Variants in ANK1 observed in about 807,000 individuals in gnomAD.
ANK1 encodes ankyrin-1.
ANK1 carries 51 observed loss-of-function variants against 210.4 expected under a neutral mutation model. That is an observed-to-expected ratio of 0.24 (90% confidence interval 0.19 to 0.31). The LOEUF is 0.31. ANK1 is among the 10% of genes least tolerant of loss of function. The pLI is 1.00. For missense variants in ANK1, 2,051 were observed against 2,504.4 expected (o/e 0.82, Z 3.86); for synonymous variants, 967 against 1,025.9 (o/e 0.94, Z 1.10).
intron 1 of ANK1, among the ~76,000 whole-genome samples, chr8:41,853,967 C>G (rs148149837): frequency 1.2e-4 from 18 of 152,274 alleles, no homozygotes; most frequent in African/African-American, 2.4e-4. Flanking sequence ...AACTACTCCG[C>G]TCAATTTGGG....
intron 2 of ANK1, among the ~76,000 whole-genome samples, chr8:41,742,042 G>A (rs28701044): frequency 0.32 from 49,088 of 152,058 alleles, 8,474 homozygotes; most frequent in African/African-American, 0.42. Context: ...TGTGATGGGC[G>A]GGGAAGGAGA....
At chr8:41,787,140 G>A (rs1459064557) in intron 1 of ANK1, among the ~76,000 whole-genome samples, 1 of 152,246 alleles carries the variant, frequency 6.6e-6, no homozygotes, top group Non-Finnish European at 1.5e-5. Flanking sequence ...CTGGACTGGA[G>A]GGCAGGCCCT....
At chr8:41,855,934 A>G (rs1812105630) in intron 1 of ANK1, among the ~76,000 whole-genome samples, 1 of 152,148 alleles carries the variant, frequency 6.6e-6, no homozygotes, top group South Asian at 2.1e-4. Flanking sequence ...TAAAGCCGTG[A>G]CATTCTGAAT....
At chr8:41,675,680 C>T (rs1373677695) in intron 37 of ANK1, among the ~76,000 whole-genome samples, 1 of 152,112 alleles carries the variant, frequency 6.6e-6, no homozygotes, top group Non-Finnish European at 1.5e-5. Context: ...ATGAAGCCAT[C>T]ACTTCAAAGA....
At chr8:41,888,339 A>G (rs1818816175) in intron 1 of ANK1, among the ~76,000 whole-genome samples, 1 of 152,244 alleles carries the variant, frequency 6.6e-6, no homozygotes, top group Non-Finnish European at 1.5e-5. Flanking sequence ...ACACGCTTAC[A>G]TATGTACATT....
chr8:41,657,953 C>T (rs566246872), intron 42 of ANK1, among the ~76,000 whole-genome samples: 13 of 152,216 alleles, frequency 8.5e-5, no homozygotes, highest in Non-Finnish European at 1.0e-4. Flanking sequence ...ATAATCATAG[C>T]TCACTGCAGC....
At chr8:41,795,673 T>C (rs534846811) in intron 1 of ANK1, among the ~76,000 whole-genome samples, 4 of 152,066 alleles carry the variant, frequency 2.6e-5, no homozygotes, top group Non-Finnish European at 5.9e-5. Flanking sequence ...ATACTGAATG[T>C]TCTCAGTCAT....
chr8:41,888,444 G>A (rs1818834783), intron 1 of ANK1, among the ~76,000 whole-genome samples: 1 of 152,256 alleles, frequency 6.6e-6, no homozygotes, highest in African/African-American at 2.4e-5. Flanking sequence ...AGAGCCAGGA[G>A]AGAGCTGCGG....
intron 1 of ANK1, among the ~76,000 whole-genome samples, chr8:41,861,153 T>A (rs545074342): frequency 6.6e-6 from 1 of 152,136 alleles, no homozygotes; most frequent in Non-Finnish European, 1.5e-5. Context: ...GATACCAGAC[T>A]TTGGTGGAAT....
chr8:41,847,085 G>A (rs1563898402), intron 1 of ANK1, among the ~76,000 whole-genome samples: 1 of 152,202 alleles, frequency 6.6e-6, no homozygotes, highest in African/African-American at 2.4e-5. Context: ...TTAGGCCGCA[G>A]AACAGAATCA....
chr8:41,662,246 C>A (rs1030123135), intron 40 of ANK1, among the ~76,000 whole-genome samples: 1 of 148,486 alleles, frequency 6.7e-6, no homozygotes, highest in Non-Finnish European at 1.5e-5. Flanking sequence ...GACAGAGCAA[C>A]ACTCTGTGTC....
At chr8:41,698,180 C>T in intron 23 of ANK1, 59 bp from the exon 24 acceptor site, 1 of 1,562,316 alleles carries the variant, frequency 6.4e-7, no homozygotes, top group South Asian at 1.1e-5. Flanking sequence ...CACAGCTCCT[C>T]TTCCTCTTGC....
At chr8:41,821,908 G>A (rs578083044) in intron 1 of ANK1, among the ~76,000 whole-genome samples, 60 of 152,132 alleles carry the variant, frequency 3.9e-4, no homozygotes, top group Non-Finnish European at 4.6e-4. Flanking sequence ...ATATTAGCCA[G>A]GCATGGTGGC....
intron 7 of ANK1, among the ~76,000 whole-genome samples, 164 bp from the exon 8 acceptor site, chr8:41,723,797 T>A (rs1316493280): frequency 2.7e-5 from 4 of 150,216 alleles, no homozygotes; most frequent in Non-Finnish European, 5.9e-5. Flanking sequence ...TTTTTATTTT[T>A]TTTTTTTTTT....
chr8:41,708,659 C>G, intron 17 of ANK1, 119 bp downstream of exon 17: 2 of 1,136,108 alleles, frequency 1.8e-6, no homozygotes, highest in Non-Finnish European at 2.6e-6. Context: ...CAGGGCTGTT[C>G]CAAGGATTAC....
chr8:41,768,617 C>T (rs1842355554), intron 1 of ANK1, among the ~76,000 whole-genome samples: 1 of 152,040 alleles, frequency 6.6e-6, no homozygotes, highest in South Asian at 2.1e-4. Flanking sequence ...GATCCAAAGC[C>T]CTGCCACTGG....
intron 5 of ANK1, among the ~76,000 whole-genome samples, chr8:41,726,218 A>G (rs1016468262): frequency 1.3e-5 from 2 of 152,094 alleles, no homozygotes; most frequent in African/African-American, 4.8e-5. Flanking sequence ...ATTTGCTTCC[A>G]GTTTGACTTG....
At chr8:41,868,229 G>T (rs1333556085) in intron 1 of ANK1, among the ~76,000 whole-genome samples, 1 of 152,174 alleles carries the variant, frequency 6.6e-6, no homozygotes, top group Admixed American at 6.5e-5. Flanking sequence ...AGCACTATTG[G>T]GGCCATTTGG....
intron 1 of ANK1, among the ~76,000 whole-genome samples, chr8:41,805,415 T>A (rs1473001951): frequency 1.3e-5 from 2 of 152,028 alleles, no homozygotes; most frequent in African/African-American, 2.4e-5. Flanking sequence ...CTAATTTTTT[T>A]AATTTAGTTT....
Sources: gnomAD v4.1 joint callset for allele counts (sites outside exome capture counted in the v4.1 genomes callset) on GRCh38, gnomAD v4.1.1 for gene constraint, MANE v1.5 for transcripts, NCBI Gene and HGNC (gene_info 2026-07-23, HGNC 2026-07-21) for gene names.